Variants in CALCR observed in about 807,000 individuals in gnomAD.
The protein encoded by CALCR is calcitonin receptor.
CALCR carries 47 observed loss-of-function variants against 59.5 expected under a neutral mutation model. The ratio of observed to expected loss-of-function variants is 0.79; its 90% CI spans 0.63 to 1.01. CALCR has a LOEUF of 1.01. Among genes scored for constraint, CALCR ranks in the 50% least tolerant of loss-of-function variants. The pLI is 0.00. For synonymous variants in CALCR, 213 were observed against 211.3 expected (o/e 1.01, Z -0.07); for missense variants, 566 against 597.1 (o/e 0.95, Z 0.54).
At chr7:93,433,067 A>G (rs2374637) in intron 13 of CALCR, among the ~76,000 whole-genome samples, 104,219 of 151,866 alleles carry the variant, frequency 0.69, 36,635 homozygotes, top group East Asian at 0.89. Flanking sequence ...ATGAAGAAAG[A>G]AAGGAATAAA....
At chr7:93,454,886 A>T (rs1387139199) in intron 8 of CALCR, among the ~76,000 whole-genome samples, 1 of 148,524 alleles carries the variant, frequency 6.7e-6, no homozygotes, top group Non-Finnish European at 1.5e-5. Flanking sequence ...ATCCACAGGG[A>T]TTCTCCACTG....
chr7:93,490,699 G>C (rs1436420744), intron 2 of CALCR, among the ~76,000 whole-genome samples: 1 of 151,782 alleles, frequency 6.6e-6, no homozygotes, highest in East Asian at 1.9e-4. Context: ...CAGCTAAAGA[G>C]GGATGTGAAG....
chr7:93,558,999 T>G (rs1584631729), intron 2 of CALCR, among the ~76,000 whole-genome samples: 1 of 152,012 alleles, frequency 6.6e-6, no homozygotes, highest in South Asian at 2.1e-4. Flanking sequence ...AATCACCACT[T>G]GAGTGCAGCA....
chr7:93,519,341 T>C (rs1408858953), intron 2 of CALCR, among the ~76,000 whole-genome samples: 9 of 152,040 alleles, frequency 5.9e-5, no homozygotes, highest in African/African-American at 1.9e-4. Context: ...TATAGAGTAG[T>C]GATTCTAGGA....
chr7:93,553,029 G>A (rs962900123), intron 2 of CALCR, among the ~76,000 whole-genome samples: 1 of 152,038 alleles, frequency 6.6e-6, no homozygotes, highest in Non-Finnish European at 1.5e-5. Flanking sequence ...GCTACATAAT[G>A]GACACCTGAC....
At chr7:93,538,752 T>G (rs375594230) in intron 2 of CALCR, among the ~76,000 whole-genome samples, 286 of 152,200 alleles carry the variant, frequency 1.9e-3, no homozygotes, top group African/African-American at 6.5e-3. Flanking sequence ...GTGCTATACC[T>G]CCTAGAGCTT....
At position 93,552,599 on chromosome 7, in the gene CALCR, G is replaced by T. The variant is rs1227582119; in HGVS notation, c.-27+21690C>A. Among the ~76,000 whole-genome samples the T allele has an allele frequency of 2.6e-5, 4 of 152,120 alleles. No homozygotes were observed. The East Asian group carries it at 7.7e-4, about 29-fold the overall frequency. On this transcript the variant is annotated intron_variant, in intron 2 of 13. Transcript: ENST00000426151. ...CCTAGAGTATGGCTGAATCCGGTTT[G>T]ATATAAAACCTTTATATTAAACCAC...
At chr7:93,558,244 T>C (rs1409151416) in intron 2 of CALCR, among the ~76,000 whole-genome samples, 1 of 151,902 alleles carries the variant, frequency 6.6e-6, no homozygotes, top group Non-Finnish European at 1.5e-5. Flanking sequence ...TTGTATCCAA[T>C]TTTTAGAAAG....
chr7:93,550,598 A>AAC (rs201729250), intron 2 of CALCR, among the ~76,000 whole-genome samples: 8,100 of 121,844 alleles, frequency 0.066, 654 homozygotes, highest in African/African-American at 0.19. Context: ...ATTTGGGCTA[A>AAC]ACACACACAC....
intron 2 of CALCR, among the ~76,000 whole-genome samples, chr7:93,562,279 CAT>C (rs1789767365): frequency 6.6e-6 from 1 of 151,962 alleles, no homozygotes; most frequent in Admixed American, 6.6e-5. Flanking sequence ...TGAGGTAATG[CAT>C]GTTTGTACAT....
intron 2 of CALCR, among the ~76,000 whole-genome samples, chr7:93,523,161 C>T (rs1380278950): frequency 6.6e-6 from 1 of 152,150 alleles, no homozygotes; most frequent in Non-Finnish European, 1.5e-5. Context: ...TTGTTTCCTT[C>T]CTTACCACTT....
chr7:93,457,768 T>C (rs1470698220), intron 8 of CALCR, among the ~76,000 whole-genome samples: 4 of 152,182 alleles, frequency 2.6e-5, no homozygotes, highest in African/African-American at 9.6e-5. Flanking sequence ...CCTAATTAAC[T>C]GTAGTGGGCA....
Position 93,532,838 on chromosome 7 carries a change from CAA to C in CALCR, c.-27+41449_-27+41450del, listed in dbSNP as rs57128008. ...TAGCCTTGATTCCTCATGTCCAAAG[CAA>C]AAAAAAAAAAAAAAAAAAAAAAATA... On this transcript the variant is annotated intron_variant, in intron 2 of 13. Transcript: ENST00000426151. Among the ~76,000 whole-genome samples the C allele has an allele frequency of 2.3e-3, 220 of 95,660 alleles. 1 individual carries two copies. Among genetic ancestry groups the C allele is most frequent in the African/African-American group, 9.9e-3 (197 of 19,918 alleles). The allele number at this position is 95,660 out of a possible 152,430, so 62.8% of individuals were successfully genotyped here.
At chr7:93,475,261 A>G (rs554809904) in intron 5 of CALCR, among the ~76,000 whole-genome samples, 1 of 151,926 alleles carries the variant, frequency 6.6e-6, no homozygotes, top group Non-Finnish European at 1.5e-5. Context: ...CAAGCAACCT[A>G]TTAGAATCAT....
intron 6 of CALCR, among the ~76,000 whole-genome samples, chr7:93,469,584 C>T (rs966704088): frequency 3.3e-5 from 5 of 151,646 alleles, no homozygotes; most frequent in Non-Finnish European, 7.4e-5. Flanking sequence ...CTCTCTCTCT[C>T]TTTCTCTCTC....
At chr7:93,549,506 A>G (rs1012687725) in intron 2 of CALCR, among the ~76,000 whole-genome samples, 3 of 152,202 alleles carry the variant, frequency 2.0e-5, no homozygotes, top group Non-Finnish European at 4.4e-5. Context: ...AATAACATAA[A>G]GACAATTACC....
At chr7:93,487,465 T>G (rs933360685) in intron 2 of CALCR, among the ~76,000 whole-genome samples, 2 of 151,488 alleles carry the variant, frequency 1.3e-5, no homozygotes, top group Non-Finnish European at 3.0e-5. Flanking sequence ...AAAAGTAGCC[T>G]TATTTAAAGC....
At chr7:93,489,705 C>T (rs1219528215) in intron 2 of CALCR, among the ~76,000 whole-genome samples, 1 of 151,802 alleles carries the variant, frequency 6.6e-6, no homozygotes, top group African/African-American at 2.4e-5. Context: ...CAAGACTAAA[C>T]CAGGAAGAAG....
At position 93,426,501 on chromosome 7, in the gene CALCR, C is replaced by T. The variant is rs769407280; in HGVS notation, c.1280G>A (p.Arg427His). Residue 427 changes from arginine (R) to histidine (H), a missense_variant, in exon 14 of 14, where the codon CGC (arginine) becomes CAC (histidine). Transcript: ENST00000426151. ...WGRRPSNRSA[R>H]AAAAAAEAGD... ...AGCCTCCGCAGCAGCGGCTGCAGCG[C>T]GAGCAGAGCGGTTGGAGGGGCGCCT... 4.3e-6 allele frequency: 7 copies of T among 1,613,830 alleles called. No individual in the cohort carries two copies. Among genetic ancestry groups the T allele is most frequent in the Non-Finnish European group, 5.1e-6 (6 of 1,179,808 alleles).
Sources: allele counts gnomAD v4.1 joint callset (sites outside exome capture counted in the v4.1 genomes callset), GRCh38; gene constraint gnomAD v4.1.1; transcripts MANE v1.5; gene names NCBI Gene and HGNC (gene_info 2026-07-23, HGNC 2026-07-21).